Variants in PPFIA1 observed in about 807,000 individuals in gnomAD.
PPFIA1 encodes the protein liprin-alpha-1.
PPFIA1 carries 25 observed loss-of-function variants against 149.9 expected under a neutral mutation model. The ratio of observed to expected loss-of-function variants is 0.17; its 90% CI spans 0.12 to 0.23. PPFIA1 has a LOEUF of 0.23. Among genes scored for constraint, PPFIA1 ranks in the 10% least tolerant of loss-of-function variants. The pLI is 1.00. For missense variants in PPFIA1, 1,362 were observed against 1,506.5 expected (o/e 0.90, Z 1.59); for synonymous variants, 549 against 552.8 (o/e 0.99, Z 0.10).
At position 70,272,345 on chromosome 11, in the gene PPFIA1, A is replaced by C. The variant is rs997561534; in HGVS notation, c.173A>C (p.Gln58Pro). 1 of 1,614,110 alleles carries C rather than the reference A, an allele frequency of 6.2e-7. No homozygotes were observed. Among genetic ancestry groups the C allele is most frequent in the African/African-American group, 1.3e-5 (1 of 74,932 alleles). ...DRLLDTLRET[Q>P]ETLALTQGKL... ...CTTCTTGATACACTGAGAGAGACTCAAGAAACGCTGGCCTTAACCCAGGGG... is the reference window on the plus strand; with the variant it reads ...CTTCTTGATACACTGAGAGAGACTCCAGAAACGCTGGCCTTAACCCAGGGG... The change falls in exon 2 of 28, where the codon CAA (glutamine) becomes CCA (proline). Residue 58 changes from glutamine to proline, a missense_variant. Physicochemically the swap from Gln to Pro is moderately conservative, Grantham distance 76 (BLOSUM62 -1). This residue lies in a region of PPFIA1 where 100 missense variants were observed against 106.2 expected (regional missense o/e 0.94). Coordinates refer to ENST00000253925, the MANE Select transcript of PPFIA1 (RefSeq NM_003626.5).
chr11:70,296,071 A>G (rs2051982950), intron 2 of PPFIA1, among the ~76,000 whole-genome samples: 1 of 148,628 alleles, frequency 6.7e-6, no homozygotes, highest in African/African-American at 2.5e-5. Flanking sequence ...CACTCCCCAC[A>G]TCTCAGACGA....
intron 6 of PPFIA1, 71 bp downstream of exon 6, chr11:70,326,434 A>G (rs1212011008): frequency 4.2e-6 from 6 of 1,417,286 alleles, no homozygotes; most frequent in African/African-American, 1.4e-5. Flanking sequence ...GTTATGTGGA[A>G]AACAGTTGCT....
chr11:70,301,189 T>C (rs1202508278), intron 2 of PPFIA1, among the ~76,000 whole-genome samples: 1 of 152,204 alleles, frequency 6.6e-6, no homozygotes, highest in Non-Finnish European at 1.5e-5. Context: ...ATACTACTTA[T>C]TACCCAATAA....
chr11:70,342,971 A>G (rs1207471846), intron 14 of PPFIA1, among the ~76,000 whole-genome samples: 2 of 74,592 alleles, frequency 2.7e-5, no homozygotes, highest in East Asian at 6.3e-4. Context: ...TTTTTGAGGC[A>G]GAGTCTCTTT....
chr11:70,314,077 G>A (rs546530922), intron 2 of PPFIA1, among the ~76,000 whole-genome samples: 3 of 152,178 alleles, frequency 2.0e-5, no homozygotes, highest in African/African-American at 4.8e-5. Flanking sequence ...TTGAAGCCAC[G>A]GACACCGGCC....
At chr11:70,278,158 G>A (rs896329691) in intron 2 of PPFIA1, among the ~76,000 whole-genome samples, 18 of 150,916 alleles carry the variant, frequency 1.2e-4, no homozygotes, top group Non-Finnish European at 2.4e-4. Flanking sequence ...ATCTGCCCTC[G>A]TCAGCCTCCC....
At chr11:70,359,158 G>A (rs187435943) in intron 19 of PPFIA1, among the ~76,000 whole-genome samples, 5 of 152,302 alleles carry the variant, frequency 3.3e-5, no homozygotes, top group East Asian at 3.9e-4. Flanking sequence ...GCAGTGGCGC[G>A]TTCACCACTC....
At chr11:70,300,448 C>T (rs1160382713) in intron 2 of PPFIA1, among the ~76,000 whole-genome samples, 3 of 152,118 alleles carry the variant, frequency 2.0e-5, no homozygotes, top group East Asian at 3.8e-4. Context: ...GGGCTCACTG[C>T]AGCCTCCGTC....
At chr11:70,319,846 G>A (rs1017614198) in intron 2 of PPFIA1, 1 of 152,182 alleles carries the variant, frequency 6.6e-6, no homozygotes, top group Non-Finnish European at 1.5e-5. Flanking sequence ...TGTGAAAGAG[G>A]CTCTCACTGG....
chr11:70,304,361 TCTCACTATGTTGCC>T (rs1422346783), intron 2 of PPFIA1, among the ~76,000 whole-genome samples: 4 of 151,924 alleles, frequency 2.6e-5, no homozygotes, highest in Non-Finnish European at 5.9e-5. Flanking sequence ...AGAGATGGGA[TCTCACTATGTTGCC>T]CAGGCTGGTC....
At chr11:70,317,453 A>C (rs543525692) in intron 2 of PPFIA1, among the ~76,000 whole-genome samples, 5 of 152,334 alleles carry the variant, frequency 3.3e-5, no homozygotes, top group African/African-American at 1.2e-4. Flanking sequence ...ACGTCTATGA[A>C]TTCGTTTTCT....
intron 10 of PPFIA1, among the ~76,000 whole-genome samples, chr11:70,334,871 G>GAGGTGCCACCTGGAC (rs1032217121): frequency 1.3e-5 from 2 of 152,324 alleles, no homozygotes; most frequent in Non-Finnish European, 2.9e-5. Context: ...TGAGGGCATG[G>GAGGTGCCACCTGGAC]AGGTGCCACC....
At chr11:70,379,623 A>T (rs896802839) in intron 26 of PPFIA1, among the ~76,000 whole-genome samples, 2 of 148,986 alleles carry the variant, frequency 1.3e-5, no homozygotes, top group African/African-American at 5.0e-5. Context: ...AAAAAAAAAA[A>T]ATAATAATTG....
intron 2 of PPFIA1, among the ~76,000 whole-genome samples, chr11:70,274,952 C>G (rs2050299652): frequency 6.6e-6 from 1 of 152,150 alleles, no homozygotes; most frequent in South Asian, 2.1e-4. Flanking sequence ...GTGTACACTT[C>G]TGTTGGATTT....
chr11:70,364,437 C>G (rs1227617211), intron 21 of PPFIA1: 2 of 152,224 alleles, frequency 1.3e-5, no homozygotes, highest in African/African-American at 4.8e-5. Context: ...TTCCCAGTCT[C>G]TGCTTTTAGT....
chr11:70,367,952 CGTG>C (rs1299001242), intron 21 of PPFIA1, among the ~76,000 whole-genome samples: 1 of 152,054 alleles, frequency 6.6e-6, no homozygotes, highest in Non-Finnish European at 1.5e-5. Flanking sequence ...GCCTGGGCAA[CGTG>C]GGGAAACCCT....
chr11:70,378,771 T>C (rs939592886), intron 26 of PPFIA1, among the ~76,000 whole-genome samples: 5 of 152,214 alleles, frequency 3.3e-5, no homozygotes, highest in Admixed American at 1.3e-4. Context: ...CTATTGACTA[T>C]ACCAGCCAGA....
intron 21 of PPFIA1, among the ~76,000 whole-genome samples, chr11:70,368,970 T>A (rs1453385504): frequency 1.5e-5 from 2 of 131,852 alleles, no homozygotes; most frequent in Non-Finnish European, 3.2e-5. Context: ...TTTTTTTTTT[T>A]AAAGAGACAG....
intron 26 of PPFIA1, among the ~76,000 whole-genome samples, chr11:70,379,009 C>G (rs549263653): frequency 1.1e-4 from 16 of 152,286 alleles, no homozygotes; most frequent in East Asian, 5.8e-4. Flanking sequence ...ATTTAACTAC[C>G]CTGGCCTCGG....
Sources: gnomAD v4.1 joint callset for allele counts (sites outside exome capture counted in the v4.1 genomes callset) on GRCh38, gnomAD v4.1.1 for gene constraint, gnomAD v4.1.1 regional missense constraint, MANE v1.5 for transcripts, NCBI Gene and HGNC (gene_info 2026-07-23, HGNC 2026-07-21) for gene names.